The following SDC1 variants were observed in gnomAD, a reference collection of about 807,000 sequenced individuals.
SDC1 encodes syndecan 1, also known as syndecan-1.
Under a neutral mutation model 29.7 loss-of-function variants are expected in SDC1, and 14 were observed. The observed-to-expected ratio is 0.47, with a 90% CI of 0.31 to 0.74. The LOEUF (loss-of-function observed/expected upper bound fraction) is 0.74, where lower values mean the gene tolerates loss of function less well. Among genes scored for constraint, SDC1 ranks in the 30% least tolerant of loss-of-function variants. SDC1 has a pLI of 0.05. For synonymous variants in SDC1, 204 were observed against 175.5 expected, an observed-to-expected ratio of 1.16 and a Z score of -1.29; for missense variants, 406 against 400.3, an observed-to-expected ratio of 1.01 and a Z score of -0.12.
chr2:20,216,807 A>G (rs532372207), intron 1 of SDC1, among the ~76,000 whole-genome samples: 1 of 152,198 alleles, frequency 6.6e-6, no homozygotes, highest in South Asian at 2.1e-4. Context: ...CAACCTCCCC[A>G]CATCCCACCC....
At chr2:20,207,385 T>C in intron 1 of SDC1, 1 of 984,886 alleles carries the variant, frequency 1.0e-6, no homozygotes, top group Non-Finnish European at 1.2e-6. Flanking sequence ...TCACCTGCAA[T>C]GAACAGTCAC....
At chr2:20,203,636 ATAGT>A (rs906372830) in intron 3 of SDC1, among the ~76,000 whole-genome samples, 173 bp downstream of exon 3, 4 of 152,112 alleles carry the variant, frequency 2.6e-5, no homozygotes, top group Middle Eastern at 3.2e-3. Context: ...CTCTGATCTC[ATAGT>A]TAGTCTGTCC....
Position 20,224,841 on chromosome 2 carries a change from C to A in SDC1, c.27G>T (p.Trp9Cys). ...GCAGGCTCAGCGCCAGCGCGCACAG[C>A]CAGAGCCAGAGCGCCGCGCGCCTCA... MRRAALWL[W>C]LCALALSLQP... Residue 9 changes from tryptophan to cysteine, a missense_variant, in exon 1 of 5, where the codon TGG becomes TGT. Trp to Cys is a radical substitution (Grantham distance 215). Coordinates refer to ENST00000254351, the MANE Select transcript of SDC1 (RefSeq NM_002997.5). The surrounding 1 kb of genome is among the most constrained non-coding windows in gnomAD (Gnocchi z 4.9). 7.9e-7 allele frequency: 1 copy of A among 1,263,706 alleles called. No homozygotes were observed. The highest frequency in any genetic ancestry group is 9.9e-7 in the Non-Finnish European group (1 of 1,006,468). 78.3% of individuals were successfully genotyped at this position (1,263,706 alleles called of 1,614,324 possible).
In SDC1 at chr2:20,224,093, G is replaced by C. The variant is rs1677912190; in HGVS notation, c.66+709C>G. The C allele has an allele frequency of 2.7e-6, 1 of 369,410 alleles. No homozygotes were observed. Among genetic ancestry groups the C allele is most frequent in the Admixed American group, 3.0e-5 (1 of 33,842 alleles). 22.9% of individuals were successfully genotyped at this position (369,410 alleles called of 1,614,324 possible). On this transcript the variant is annotated intron_variant, in intron 1 of 4. Transcript: ENST00000254351. The surrounding 1 kb of genome is among the most constrained non-coding windows in gnomAD (Gnocchi z 4.9). ...CACGGGAACGCGCCCTCCGGGGCCA[G>C]CTCAACTTCAGCAGCCCAGAAGTTG...
chr2:20,208,135 C>A (rs957181730), intron 1 of SDC1: 1 of 985,350 alleles, frequency 1.0e-6, no homozygotes, highest in Non-Finnish European at 1.2e-6. Context: ...ATGAGGCAAC[C>A]GAAGCCCACA....
At chr2:20,209,624 A>G (rs1383488345) in intron 1 of SDC1, among the ~76,000 whole-genome samples, 2 of 152,224 alleles carry the variant, frequency 1.3e-5, no homozygotes, top group African/African-American at 2.4e-5. Context: ...CAAAGAGCAC[A>G]TCTGAAGTCT....
At chr2:20,223,296 A>G in intron 1 of SDC1, 3 of 1,294,558 alleles carry the variant, frequency 2.3e-6, no homozygotes, top group Non-Finnish European at 3.0e-6. Flanking sequence ...GAAAAAAAAA[A>G]CCAAAGCGCT....
intron 1 of SDC1, among the ~76,000 whole-genome samples, chr2:20,222,301 T>C (rs948999951): frequency 6.6e-6 from 1 of 152,178 alleles, no homozygotes; most frequent in African/African-American, 2.4e-5. Flanking sequence ...GTCAGATCTC[T>C]GCCACTTGCA....
intron 2 of SDC1, 75 bp from the exon 3 acceptor site, chr2:20,204,366 T>C (rs1677178072): frequency 6.4e-6 from 4 of 624,720 alleles, no homozygotes; most frequent in Non-Finnish European, 1.1e-5. Context: ...GTTGGGTGGG[T>C]CGGGGGAGGC....
chr2:20,202,155 G>A lies in SDC1; in HGVS notation c.*611C>T. 2 of 620,492 alleles carry A rather than the reference G, an allele frequency of 3.2e-6. No homozygotes were observed. The highest frequency in any genetic ancestry group is 2.7e-5 in the Admixed American group (1 of 36,578). The allele number at this position is 620,492 out of a possible 1,614,324, so 38.4% of individuals were successfully genotyped here. ...ATGCTGTCTCCCGACCATAGATTAGGGAAGCAAGATGGGGGGATACCGAAT... is the reference window on the plus strand; with the variant it reads ...ATGCTGTCTCCCGACCATAGATTAGAGAAGCAAGATGGGGGGATACCGAAT... On this transcript the variant is annotated 3_prime_UTR_variant, in exon 5 of 5. Coordinates refer to ENST00000254351, the MANE Select transcript of SDC1 (RefSeq NM_002997.5).
At chr2:20,223,344 G>T in intron 1 of SDC1, 1 of 1,243,288 alleles carries the variant, frequency 8.0e-7, no homozygotes, top group African/African-American at 1.5e-5. Context: ...AACGCTTACG[G>T]AGGGTCAGCG....
intron 1 of SDC1, among the ~76,000 whole-genome samples, chr2:20,222,190 T>C (rs1677844611): frequency 6.6e-6 from 1 of 152,172 alleles, no homozygotes. Flanking sequence ...CCTCCTCTCC[T>C]AGCAGCCTCC....
chr2:20,207,535 T>A (rs113889866), intron 1 of SDC1: 12,799 of 239,344 alleles, frequency 0.053, 532 homozygotes, highest in African/African-American at 0.14. Context: ...GAAACCCCCA[T>A]CTCTACTAAA....
rs762773658 is a variant in SDC1, at chr2:20,203,984, G to C, written c.456C>G (p.His152Gln). 6.2e-7 allele frequency: 1 copy of C among 1,614,016 alleles called. No homozygotes were observed. Among genetic ancestry groups the C allele is most frequent in the Non-Finnish European group, 8.5e-7 (1 of 1,180,026 alleles). Reference protein sequence around the residue: ...ATTAQEPATSHPHRDMQPGHH... With the variant: ...ATTAQEPATSQPHRDMQPGHH... Reference sequence around the variant, plus strand: ...GGCCAGGCTGCATGTCCCTGTGGGGGTGGGAGGTGGCGGGCTCCTGGGCCG... The same window carrying C: ...GGCCAGGCTGCATGTCCCTGTGGGGCTGGGAGGTGGCGGGCTCCTGGGCCG... The change falls in exon 3 of 5, where the codon CAC becomes CAG. Residue 152 changes from histidine (H) to glutamine (Q), a missense_variant. His to Gln is a conservative substitution (Grantham distance 24). Coordinates refer to ENST00000254351, the MANE Select transcript of SDC1 (RefSeq NM_002997.5).
At chr2:20,217,936 A>C (rs1029053176) in intron 1 of SDC1, among the ~76,000 whole-genome samples, 17 of 152,248 alleles carry the variant, frequency 1.1e-4, no homozygotes, top group Non-Finnish European at 1.9e-4. Flanking sequence ...AGCTCCCACA[A>C]GGAGCTCGAA....
At chr2:20,211,449 C>T (rs1445426746) in intron 1 of SDC1, among the ~76,000 whole-genome samples, 1 of 152,216 alleles carries the variant, frequency 6.6e-6, no homozygotes, top group Non-Finnish European at 1.5e-5. Flanking sequence ...ACATTTCCGA[C>T]ACGTCCACTC....
intron 1 of SDC1, among the ~76,000 whole-genome samples, chr2:20,210,236 G>A (rs1330259326): frequency 2.6e-5 from 4 of 152,214 alleles, no homozygotes; most frequent in African/African-American, 9.6e-5. Flanking sequence ...AGCTACTTGG[G>A]AGGCTGAGGC....
rs1414428474 is a variant in SDC1 at position 20,201,473 on chromosome 2, G to A, written c.*1293C>T. On this transcript the variant is annotated 3_prime_UTR_variant, in exon 5 of 5. Transcript: ENST00000254351. ...CACACACAGCACAGAGGCAAGAAGC[G>A]AAGGCAGTGGCATTCACAGGACTAC... 1 of 152,568 alleles carries A rather than the reference G, an allele frequency of 6.6e-6. No homozygotes were observed. The highest frequency in any genetic ancestry group is 2.4e-5 in the African/African-American group (1 of 41,464). The allele number at this position is 152,568 out of a possible 1,614,324, so 9.5% of individuals were successfully genotyped here. A position where few individuals can be genotyped will look rare whatever the true frequency, so the allele number is the denominator to read the frequency against.
In SDC1 at chr2:20,202,416, C is replaced by A. The variant is rs1403568631; in HGVS notation, c.*350G>T. The A allele has an allele frequency of 1.5e-6, 1 of 656,478 alleles. No individual in the cohort carries two copies. Among genetic ancestry groups the A allele is most frequent in the Non-Finnish European group, 2.8e-6 (1 of 360,850 alleles). The allele number at this position is 656,478 out of a possible 1,614,324, so 40.7% of individuals were successfully genotyped here. On this transcript the variant is annotated 3_prime_UTR_variant, in exon 5 of 5. Transcript: ENST00000254351. ...CGCAGGATCTTCCAGCCACATGAGG[C>A]CATTTAGGTCCAAAGCAGTCGGATC...
Sources: gnomAD v4.1 joint callset for allele counts (sites outside exome capture counted in the v4.1 genomes callset) on GRCh38, gnomAD v4.1.1 for gene constraint, Gnocchi (gnomAD v3.1) non-coding constraint, MANE v1.5 for transcripts, NCBI Gene and HGNC (gene_info 2026-07-23, HGNC 2026-07-21) for gene names.